The following RGPD1 variants were observed in gnomAD, a reference collection of about 807,000 sequenced individuals.
RGPD1 encodes the protein RANBP2 like and GRIP domain containing 1.
A neutral mutation model predicts 40.6 loss-of-function variants in RGPD1; 7 were observed. The observed-to-expected ratio is 0.17, with a 90% CI of 0.10 to 0.32. The LOEUF (loss-of-function observed/expected upper bound fraction) is 0.32. Ranked by LOEUF, RGPD1 falls within the 10% of genes least tolerant of loss-of-function variation. The probability of loss-of-function intolerance (pLI) is 1.00; values close to 1 mark genes in which losing one functional copy is unlikely to be tolerated. For synonymous variants in RGPD1, 24 were observed against 167.0 expected, an observed-to-expected ratio of 0.14 and a Z score of 6.60; for missense variants, 50 against 472.5, an observed-to-expected ratio of 0.11 and a Z score of 8.29.
chr2:86,960,658 C>T (rs1484399801), intron 6 of RGPD1, among the ~76,000 whole-genome samples: 8 of 120,810 alleles, frequency 6.6e-5, no homozygotes, highest in Admixed American at 2.2e-4. Flanking sequence ...GGTGCCATCT[C>T]GGCTCACTGC....
intron 1 of RGPD1, among the ~76,000 whole-genome samples, chr2:86,932,132 GT>G: frequency 7.4e-6 from 1 of 134,842 alleles, no homozygotes; most frequent in East Asian, 2.2e-4. Context: ...GTGGCATTCA[GT>G]TTCAGCCATC....
At chr2:86,944,029 C>A (rs72936559) in intron 1 of RGPD1, among the ~76,000 whole-genome samples, 12,477 of 151,742 alleles carry the variant, frequency 0.082, 623 homozygotes, top group African/African-American at 0.14. Flanking sequence ...AAAAAAAAAC[C>A]AAAAAACGGA....
intron 2 of RGPD1, among the ~76,000 whole-genome samples, chr2:86,951,873 G>GT (rs71269535): frequency 0.013 from 649 of 50,926 alleles, 17 homozygotes; most frequent in East Asian, 0.027. Context: ...GGGAGGCAGG[G>GT]TTTTTTTTTT....
chr2:86,949,186 C>T (rs1160777487), intron 1 of RGPD1, among the ~76,000 whole-genome samples: 3 of 151,432 alleles, frequency 2.0e-5, no homozygotes, highest in African/African-American at 4.8e-5. Context: ...CGAATCATCC[C>T]TTTGTCCAAT....
At chr2:86,914,639 TGGCCGGGCGGCGGCGGCGGCGGCGGC>T (rs1677680821) in intron 1 of RGPD1, among the ~76,000 whole-genome samples, 5 of 25,430 alleles carry the variant, frequency 2.0e-4, no homozygotes, top group Non-Finnish European at 3.7e-4. Flanking sequence ...GGCCTCGACC[TGGCCGGGCGGCGGCGGCGGCGGCGGC>T]GGCCTCGACC....
chr2:86,929,867 G>A (rs542502744), intron 1 of RGPD1, among the ~76,000 whole-genome samples: 4 of 143,126 alleles, frequency 2.8e-5, no homozygotes, highest in African/African-American at 1.0e-4. Flanking sequence ...CAAAAGGAAC[G>A]CAAGGAGTTG....
chr2:86,944,170 G>T (rs1371379727), intron 1 of RGPD1, among the ~76,000 whole-genome samples: 1 of 152,288 alleles, frequency 6.6e-6, no homozygotes, highest in South Asian at 2.1e-4. Flanking sequence ...TAAGATACTT[G>T]TTCAGGGTGA....
chr2:86,943,456 T>C (rs1298534841), intron 1 of RGPD1, among the ~76,000 whole-genome samples: 2 of 152,134 alleles, frequency 1.3e-5, no homozygotes, highest in South Asian at 2.1e-4. Flanking sequence ...AATAAGACTT[T>C]AGTAATTGGA....
upstream of RGPD1, chr2:86,913,663 C>T (rs977157920): frequency 4.1e-6 from 5 of 1,229,618 alleles, no homozygotes; most frequent in African/African-American, 6.4e-5. Flanking sequence ...TGCCAAGAGC[C>T]CGGCCGAGTG....
intron 1 of RGPD1, among the ~76,000 whole-genome samples, chr2:86,927,065 G>A (rs1233441687): frequency 6.6e-6 from 1 of 152,102 alleles, no homozygotes; most frequent in Non-Finnish European, 1.5e-5. Flanking sequence ...GTGAAATGAA[G>A]TAGTTGCACT....
At chr2:86,918,406 G>A (rs544286331) in intron 1 of RGPD1, among the ~76,000 whole-genome samples, 41 of 145,402 alleles carry the variant, frequency 2.8e-4, no homozygotes, top group South Asian at 1.1e-3. Flanking sequence ...CCTTTTCCAG[G>A]TAGCTCAGCT....
intron 1 of RGPD1, among the ~76,000 whole-genome samples, chr2:86,927,009 C>G: frequency 6.6e-6 from 1 of 152,156 alleles, no homozygotes; most frequent in East Asian, 1.9e-4. Context: ...TCCTGATCTT[C>G]TAACTTGGGT....
At chr2:86,924,610 A>G (rs1397275001) in intron 1 of RGPD1, among the ~76,000 whole-genome samples, 2 of 150,350 alleles carry the variant, frequency 1.3e-5, no homozygotes, top group African/African-American at 4.9e-5. Flanking sequence ...GACTACCGGT[A>G]TGCTCCATCA....
At chr2:86,932,023 A>G (rs1679027375) in intron 1 of RGPD1, among the ~76,000 whole-genome samples, 1 of 148,368 alleles carries the variant, frequency 6.7e-6, no homozygotes, top group African/African-American at 2.4e-5. Flanking sequence ...GACAGAGAAG[A>G]TAATAATATA....
chr2:86,941,831 C>T (rs1446045215), upstream of RGPD1, among the ~76,000 whole-genome samples: 2 of 151,268 alleles, frequency 1.3e-5, no homozygotes, highest in Non-Finnish European at 2.9e-5. Flanking sequence ...GTGCCTCAGC[C>T]TCCCGAGTAG....
At chr2:86,928,538 G>GT (rs1678671825) in intron 1 of RGPD1, among the ~76,000 whole-genome samples, 1 of 152,074 alleles carries the variant, frequency 6.6e-6, no homozygotes, top group South Asian at 2.1e-4. Context: ...GAACTGCTGT[G>GT]GTAATTTAGG....
In RGPD1 at chr2:86,914,527, CGG is replaced by C. The variant is rs1677664778; in HGVS notation, c.72+607_72+608del. On this transcript the variant is annotated intron_variant, in intron 1 of 22. Transcript: ENST00000398193. ...GCGGCGGCGGCGGCGGCGGCGGCGG[CGG>C]CCTCGGCCTGGCCGGGCGGCGGCGG... Among the ~76,000 whole-genome samples, 5 of 39,704 alleles carry C rather than the reference CGG, an allele frequency of 1.3e-4. 2 individuals carry two copies. Among genetic ancestry groups the C allele is most frequent in the Non-Finnish European group, 2.5e-4 (5 of 19,938 alleles). 26.0% of individuals were successfully genotyped at this position (39,704 alleles called of 152,430 possible).
chr2:86,941,471 T>C (rs1235220922), upstream of RGPD1, among the ~76,000 whole-genome samples: 1 of 148,960 alleles, frequency 6.7e-6, no homozygotes, highest in African/African-American at 2.5e-5. Flanking sequence ...CATTGTAACC[T>C]GGAACTCTTG....
chr2:86,928,427 G>T (rs1678663258), intron 1 of RGPD1, among the ~76,000 whole-genome samples: 1 of 152,190 alleles, frequency 6.6e-6, no homozygotes, highest in Non-Finnish European at 1.5e-5. Flanking sequence ...ACTCTTGAGT[G>T]ACCTGGGAGC....
Sources: allele counts gnomAD v4.1 joint callset (sites outside exome capture counted in the v4.1 genomes callset), GRCh38; gene constraint gnomAD v4.1.1; transcripts MANE v1.5; gene names NCBI Gene and HGNC (gene_info 2026-07-23, HGNC 2026-07-21).